CSMD1: variants seen among roughly 807,000 people sequenced by gnomAD.
CSMD1 encodes CUB and Sushi multiple domains 1, also known as CUB and sushi domain-containing protein 1.
A neutral mutation model predicts 417.5 loss-of-function variants in CSMD1; 213 were observed. The ratio of observed to expected loss-of-function variants is 0.51; its 90% CI spans 0.46 to 0.57. The LOEUF is 0.57. Among genes scored for constraint, CSMD1 ranks in the 20% least tolerant of loss-of-function variants. The probability of loss-of-function intolerance (pLI) is 0.00; values close to 1 mark genes in which losing one functional copy is unlikely to be tolerated. For missense variants in CSMD1, 6,923 were observed against 4,529.7 expected, an observed-to-expected ratio of 1.53 and a Z score of -15.17; for synonymous variants, 2,862 against 1,736.8, an observed-to-expected ratio of 1.65 and a Z score of -16.11.
intron 1 of CSMD1, among the ~76,000 whole-genome samples, chr8:4,784,307 C>G (rs1242580187): frequency 6.6e-6 from 1 of 152,208 alleles, no homozygotes; most frequent in East Asian, 1.9e-4. Flanking sequence ...TGGCTCCCAA[C>G]TCAAATAGAA....
intron 5 of CSMD1, among the ~76,000 whole-genome samples, chr8:3,923,704 A>C (rs369854244): frequency 6.6e-6 from 1 of 152,220 alleles, no homozygotes; most frequent in East Asian, 1.9e-4. Flanking sequence ...TGTACAATAA[A>C]TCTCTAGTTC....
chr8:3,887,143 G>C (rs1432212945), intron 5 of CSMD1, among the ~76,000 whole-genome samples: 1 of 152,126 alleles, frequency 6.6e-6, no homozygotes, highest in South Asian at 2.1e-4. Context: ...TGTGGGTGAG[G>C]ATGATGGCAT....
chr8:3,109,773 ACACACACACAGACAC>A (rs1335798767), intron 43 of CSMD1, among the ~76,000 whole-genome samples: 3 of 151,380 alleles, frequency 2.0e-5, no homozygotes, highest in Non-Finnish European at 4.4e-5. Flanking sequence ...AACATACACA[ACACACACACAGACAC>A]CACACACACA....
At chr8:3,824,834 C>T (rs1585050990) in intron 5 of CSMD1, among the ~76,000 whole-genome samples, 1 of 152,092 alleles carries the variant, frequency 6.6e-6, no homozygotes, top group East Asian at 1.9e-4. Flanking sequence ...AAAAGGATTT[C>T]AATAAAATGA....
intron 1 of CSMD1, among the ~76,000 whole-genome samples, chr8:4,805,601 G>C (rs1043377881): frequency 1.3e-5 from 2 of 152,178 alleles, no homozygotes; most frequent in Admixed American, 6.5e-5. Flanking sequence ...AGCCAAAACT[G>C]AGGAAGTGCT....
At chr8:4,709,277 G>A (rs937109472) in intron 1 of CSMD1, among the ~76,000 whole-genome samples, 1 of 152,156 alleles carries the variant, frequency 6.6e-6, no homozygotes. Context: ...TGACTCCTTG[G>A]CTAACTGCAG....
intron 7 of CSMD1, among the ~76,000 whole-genome samples, chr8:3,638,545 A>G (rs1796450420): frequency 3.3e-5 from 5 of 152,198 alleles, no homozygotes; most frequent in Admixed American, 3.3e-4. Context: ...AGCAGAGATT[A>G]CAGAGGGGAT....
intron 8 of CSMD1, among the ~76,000 whole-genome samples, chr8:3,602,176 C>T (rs573936338): frequency 6.6e-6 from 1 of 152,280 alleles, no homozygotes; most frequent in Admixed American, 6.5e-5. Context: ...CACAATTAAA[C>T]ATTCTCTTTA....
At chr8:3,585,318 G>T (rs75224410) in intron 9 of CSMD1, among the ~76,000 whole-genome samples, 3,629 of 152,230 alleles carry the variant, frequency 0.024, 147 homozygotes, top group African/African-American at 0.079. Flanking sequence ...CACGTGAAAA[G>T]ACTATATGGA....
At chr8:4,406,408 C>G (rs1332258526) in intron 3 of CSMD1, among the ~76,000 whole-genome samples, 4 of 152,098 alleles carry the variant, frequency 2.6e-5, no homozygotes, top group African/African-American at 9.7e-5. Flanking sequence ...CTTCCCCAAC[C>G]TCATAAAAAT....
chr8:3,657,430 G>T (rs924019316), intron 7 of CSMD1, among the ~76,000 whole-genome samples: 1 of 152,088 alleles, frequency 6.6e-6, no homozygotes, highest in African/African-American at 2.4e-5. Context: ...CTAAGAAAAT[G>T]ACTTGGAACC....
At chr8:3,103,960 C>A (rs1815942456) in intron 46 of CSMD1, among the ~76,000 whole-genome samples, 1 of 151,972 alleles carries the variant, frequency 6.6e-6, no homozygotes, top group African/African-American at 2.4e-5. Context: ...TCACGGTGGT[C>A]TTGAACTCCT....
chr8:3,318,088 A>G (rs1229696600), intron 23 of CSMD1, among the ~76,000 whole-genome samples: 1 of 152,228 alleles, frequency 6.6e-6, no homozygotes, highest in Non-Finnish European at 1.5e-5. Context: ...AGCGTGACCT[A>G]TCACATTTGG....
chr8:3,795,134 T>TATAG lies in CSMD1; in HGVS notation c.819-41096_819-41093dup, dbSNP rs369639157. ...GCTATAGATATCTATCATGTACAGC[T>TATAG]ATAGATATCTATCATGTACAGCTAT... On this transcript the variant is annotated intron_variant, in intron 5 of 69. Transcript: ENST00000635120. Among the ~76,000 whole-genome samples the TATAG allele has an allele frequency of 1.2e-3, 44 of 38,014 alleles. 5 individuals carry two copies. Among genetic ancestry groups the TATAG allele is most frequent in the Middle Eastern group, 0.053 (2 of 38 alleles). 24.9% of individuals were successfully genotyped at this position (38,014 alleles called of 152,430 possible).
chr8:2,949,150 T>C (rs906764813), intron 68 of CSMD1, 149 bp downstream of exon 68: 884 of 511,420 alleles, frequency 1.7e-3, no homozygotes, highest in Admixed American at 2.3e-3. Flanking sequence ...TCAAAATAAT[T>C]TTTTTTCATT....
intron 5 of CSMD1, among the ~76,000 whole-genome samples, chr8:3,785,512 A>G (rs1799410528): frequency 6.6e-6 from 1 of 152,220 alleles, no homozygotes; most frequent in African/African-American, 2.4e-5. Context: ...AACGGCAGTC[A>G]AACACCTAGG....
intron 5 of CSMD1, among the ~76,000 whole-genome samples, chr8:3,957,657 C>G (rs1812049181): frequency 6.6e-6 from 1 of 151,542 alleles, no homozygotes; most frequent in Non-Finnish European, 1.5e-5. Flanking sequence ...GCACTCCAGC[C>G]TGGGCTATTA....
chr8:4,351,157 A>T (rs938755130), intron 3 of CSMD1, among the ~76,000 whole-genome samples: 1 of 152,128 alleles, frequency 6.6e-6, no homozygotes, highest in African/African-American at 2.4e-5. Flanking sequence ...CATCTCTAAA[A>T]AAAAAAAAAA....
intron 5 of CSMD1, among the ~76,000 whole-genome samples, chr8:3,956,296 C>A (rs986962912): frequency 6.6e-6 from 1 of 152,154 alleles, no homozygotes; most frequent in Non-Finnish European, 1.5e-5. Context: ...CACATCAAAA[C>A]TGTTATTATC....
Sources: gnomAD v4.1 joint callset for allele counts (sites outside exome capture counted in the v4.1 genomes callset) on GRCh38, gnomAD v4.1.1 for gene constraint, MANE v1.5 for transcripts, NCBI Gene and HGNC (gene_info 2026-07-23, HGNC 2026-07-21) for gene names.